Variants in DGKB observed in about 807,000 individuals in gnomAD.
The protein encoded by DGKB is diacylglycerol kinase beta.
DGKB carries 67 observed loss-of-function variants against 114.3 expected under a neutral mutation model. The observed-to-expected ratio is 0.59, with a 90% confidence interval of 0.48 to 0.72. The LOEUF is 0.72. DGKB is among the 30% of genes least tolerant of loss of function. The pLI, the probability that DGKB is intolerant of heterozygous loss-of-function variation, is 0.00. For missense variants in DGKB, 907 were observed against 975.2 expected, an observed-to-expected ratio of 0.93 and a Z score of 0.93; for synonymous variants, 398 against 323.1, an observed-to-expected ratio of 1.23 and a Z score of -2.49.
chr7:14,881,725 C>T (rs1262743135), intron 1 of DGKB, among the ~76,000 whole-genome samples: 1 of 152,014 alleles, frequency 6.6e-6, no homozygotes, highest in Non-Finnish European at 1.5e-5. Context: ...ATATGTTGAA[C>T]TCTTTAAGAG....
intron 1 of DGKB, among the ~76,000 whole-genome samples, chr7:14,852,862 C>T (rs980013): frequency 0.89 from 135,235 of 152,194 alleles, 60,459 homozygotes; most frequent in East Asian, 1. Flanking sequence ...AGAAACTTAC[C>T]AAAAATAATT....
chr7:14,208,663 C>T (rs1041840507), intron 23 of DGKB, among the ~76,000 whole-genome samples: 5 of 152,062 alleles, frequency 3.3e-5, no homozygotes, highest in East Asian at 1.9e-4. Flanking sequence ...ATTAATTTTA[C>T]GACAGTTAAA....
chr7:14,235,225 T>C (rs1792579780), intron 23 of DGKB, among the ~76,000 whole-genome samples: 1 of 152,038 alleles, frequency 6.6e-6, no homozygotes, highest in South Asian at 2.1e-4. Context: ...GAGCCAAGAC[T>C]AGAAATCACT....
intron 24 of DGKB, among the ~76,000 whole-genome samples, chr7:14,177,687 G>C (rs1339744313): frequency 6.6e-6 from 1 of 151,836 alleles, no homozygotes; most frequent in African/African-American, 2.4e-5. Context: ...TAAGTCAATG[G>C]TGTCTCATCA....
intron 21 of DGKB, among the ~76,000 whole-genome samples, chr7:14,438,605 G>T (rs987709438): frequency 6.6e-6 from 1 of 152,054 alleles, no homozygotes; most frequent in Non-Finnish European, 1.5e-5. Context: ...AGGTTGGAGC[G>T]TGGGTGAGAT....
intron 20 of DGKB, among the ~76,000 whole-genome samples, chr7:14,497,284 A>G (rs1785448145): frequency 6.6e-6 from 1 of 151,842 alleles, no homozygotes; most frequent in East Asian, 1.9e-4. Flanking sequence ...AGACTTCACC[A>G]CTGTACAATT....
chr7:14,451,547 C>CTG (rs766338776), intron 21 of DGKB, among the ~76,000 whole-genome samples: 1 of 121,826 alleles, frequency 8.2e-6, no homozygotes, highest in Non-Finnish European at 1.7e-5. Context: ...CTCTATCTGT[C>CTG]TCTCTCTCTC....
At chr7:14,340,277 C>T (rs192871040) in intron 22 of DGKB, among the ~76,000 whole-genome samples, 2 of 148,090 alleles carry the variant, frequency 1.4e-5, no homozygotes, top group Admixed American at 1.4e-4. Flanking sequence ...TCACTTACCG[C>T]TATATATTCT....
chr7:14,478,046 G>T (rs3801363), intron 21 of DGKB, 115 bp downstream of exon 21: 4 of 504,122 alleles, frequency 7.9e-6, no homozygotes, highest in East Asian at 3.5e-5. Flanking sequence ...ACACACACAC[G>T]CACACAAAGC....
intron 2 of DGKB, among the ~76,000 whole-genome samples, chr7:14,797,551 T>C (rs1383624572): frequency 6.6e-6 from 1 of 152,174 alleles, no homozygotes; most frequent in Non-Finnish European, 1.5e-5. Context: ...AAAATCAGGC[T>C]TTTTCAGAGG....
At chr7:14,173,073 G>C (rs1781242929) in intron 25 of DGKB, among the ~76,000 whole-genome samples, 1 of 152,084 alleles carries the variant, frequency 6.6e-6, no homozygotes, top group African/African-American at 2.4e-5. Context: ...ATTATCACAA[G>C]CAATAGTTAT....
intron 23 of DGKB, among the ~76,000 whole-genome samples, chr7:14,335,724 T>C (rs188530515): frequency 1.2e-4 from 19 of 152,280 alleles, no homozygotes; most frequent in Admixed American, 4.6e-4. Context: ...TTTAATACTA[T>C]TGCTGCTTTG....
At chr7:14,602,666 C>A (rs1803770908) in intron 17 of DGKB, among the ~76,000 whole-genome samples, 1 of 152,206 alleles carries the variant, frequency 6.6e-6, no homozygotes, top group South Asian at 2.1e-4. Flanking sequence ...AGTGAGCCAT[C>A]AGCAGATACC....
intron 20 of DGKB, among the ~76,000 whole-genome samples, chr7:14,510,012 A>T (rs11768166): frequency 4.4e-4 from 67 of 151,980 alleles, no homozygotes; most frequent in African/African-American, 1.3e-3. Context: ...CGTCTCTACT[A>T]AAAAATAGAA....
intron 21 of DGKB, among the ~76,000 whole-genome samples, chr7:14,423,546 G>A (rs975708609): frequency 2.0e-5 from 3 of 152,038 alleles, no homozygotes; most frequent in African/African-American, 7.2e-5. Flanking sequence ...ATTTAACTGT[G>A]TAATTACTGA....
intron 1 of DGKB, among the ~76,000 whole-genome samples, chr7:14,969,342 T>G (rs1315969904): frequency 6.6e-6 from 1 of 152,096 alleles, no homozygotes; most frequent in African/African-American, 2.4e-5. Flanking sequence ...CAATGAACAA[T>G]GGGGATACTT....
chr7:14,280,391 A>G (rs1799757730), intron 23 of DGKB, among the ~76,000 whole-genome samples: 1 of 152,132 alleles, frequency 6.6e-6, no homozygotes, highest in African/African-American at 2.4e-5. Flanking sequence ...TGATTGGTGT[A>G]CCTGAAAGTG....
chr7:14,379,586 G>A (rs1435231761), intron 21 of DGKB, among the ~76,000 whole-genome samples: 24 of 151,376 alleles, frequency 1.6e-4, no homozygotes, highest in Admixed American at 1.6e-3. Flanking sequence ...TTGAGATGGA[G>A]TCTTACTCTG....
intron 1 of DGKB, among the ~76,000 whole-genome samples, chr7:14,919,095 A>ACACACAAACAC (rs1554345122): frequency 3.5e-5 from 4 of 114,970 alleles, no homozygotes; most frequent in South Asian, 3.3e-4. Context: ...CACACACACA[A>ACACACAAACAC]ACACACACAC....
Sources: gnomAD v4.1 joint callset for allele counts (sites outside exome capture counted in the v4.1 genomes callset) on GRCh38, gnomAD v4.1.1 for gene constraint, MANE v1.5 for transcripts, NCBI Gene and HGNC (gene_info 2026-07-23, HGNC 2026-07-21) for gene names.